The following SCGB1C2 variants were observed in gnomAD, a reference collection of about 807,000 sequenced individuals.
The protein encoded by SCGB1C2 is secretoglobin family 1C member 2.
In SCGB1C2, 3 loss-of-function variants were observed where a neutral mutation model predicts 8.4. That is an observed-to-expected ratio of 0.36 (90% CI 0.16 to 0.92). SCGB1C2 has a LOEUF of 0.92. Ranked by LOEUF, SCGB1C2 falls within the 40% of genes least tolerant of loss-of-function variation. SCGB1C2 has a pLI of 0.45. For missense variants in SCGB1C2, 54 were observed against 105.7 expected (o/e 0.51, Z 2.14); for synonymous variants, 18 against 44.9 (o/e 0.40, Z 2.39).
At position 137,657 on chromosome 17, in the gene SCGB1C2, C is replaced by G; in HGVS notation, c.55+12C>G. ...GTTCTGCATCTGCCGTGAGTCTGTG[C>G]CACTGGGGTTTCCAGAACATTCAGG... On this transcript the variant is annotated intron_variant, in intron 1 of 2. Coordinates refer to ENST00000595228, the MANE Select transcript of SCGB1C2 (RefSeq NM_001097610.3). The G allele has an allele frequency of 7.1e-7, 1 of 1,411,622 alleles. No individual in the cohort carries two copies. The highest frequency in any genetic ancestry group is 9.9e-7 in the Non-Finnish European group (1 of 1,010,636). 87.4% of individuals were successfully genotyped at this position (1,411,622 alleles called of 1,614,324 possible). A position where few individuals can be genotyped will look rare whatever the true frequency, so the allele number is the denominator to read the frequency against.
At chr17:138,447 TAC>T in intron 2 of SCGB1C2, 45 bp downstream of exon 2, 11 of 949,846 alleles carry the variant, frequency 1.2e-5, no homozygotes, top group Non-Finnish European at 1.6e-5. Context: ...TCTGCAGCCT[TAC>T]CAAGACCACC....
Position 138,324 on chromosome 17 carries a change from C to A in SCGB1C2, c.177C>A (p.Ala59=). 3 of 1,611,136 alleles carry A rather than the reference C, an allele frequency of 1.9e-6. No individual in the cohort carries two copies. Among genetic ancestry groups the A allele is most frequent in the South Asian group, 2.2e-5 (2 of 90,902 alleles). ...GCAAGTACAATGTCAACGAAGATGC[C>A]AAGGCAGCAATGACTGAACTCAAGT... ...TLGKYNVNED[A]KAAMTELKSC... is the part of the protein sequence containing the mutation. Residue 59 remains alanine, a synonymous_variant, in exon 2 of 3, where the codon GCC becomes GCA. Transcript: ENST00000595228.
chr17:138,362 G>T lies in SCGB1C2; in HGVS notation c.215G>T (p.Gly72Val), dbSNP rs1235976884. The change falls in exon 2 of 3, where the codon GGC (glycine) becomes GTC (valine). Residue 72 changes from glycine (G) to valine (V), a missense_variant. Around this residue, in one of 2 missense-constraint regions of SCGB1C2, gnomAD observed 54 missense variants for 68.0 expected, o/e 0.79. Transcript: ENST00000595228. ...AMTELKSCRD[G>V]LQPMHKAELV... ...ACTGAACTCAAGTCCTGCAGAGATGGCCTGCAGCCAATGCACAAGGCGGAG... is the reference window on the plus strand; with the variant it reads ...ACTGAACTCAAGTCCTGCAGAGATGTCCTGCAGCCAATGCACAAGGCGGAG... 78 of 1,612,618 alleles carry T rather than the reference G, an allele frequency of 4.8e-5. No individual in the cohort carries two copies. Among genetic ancestry groups the T allele is most frequent in the Non-Finnish European group, 6.4e-5 (75 of 1,179,810 alleles).
rs1292973863 is a variant in SCGB1C2 at position 138,304 on chromosome 17, T to C, written c.157T>C (p.Tyr53His). Reference protein sequence around the residue: ...EELYEGTLGKYNVNEDAKAAM... With the variant: ...EELYEGTLGKHNVNEDAKAAM... ...GCTCTATGAGGGGACCTTGGGCAAG[T>C]ACAATGTCAACGAAGATGCCAAGGC... Residue 53 changes from tyrosine to histidine, a missense_variant, in exon 2 of 3, where the codon TAC becomes CAC. Transcript: ENST00000595228. 5.7e-6 allele frequency: 9 copies of C among 1,591,038 alleles called. No homozygotes were observed. The highest frequency in any genetic ancestry group is 2.2e-5 in the South Asian group (2 of 90,002).
intron 2 of SCGB1C2, 74 bp downstream of exon 2, chr17:138,476 C>A: frequency 1.6e-6 from 1 of 628,146 alleles, no homozygotes; most frequent in Non-Finnish European, 2.6e-6. Flanking sequence ...AGCACCCACA[C>A]AGCCTACCCC....
At chr17:138,770 C>A (rs1422171773) in intron 2 of SCGB1C2, 140 bp from the exon 3 acceptor site, 1 of 517,694 alleles carries the variant, frequency 1.9e-6, no homozygotes. Context: ...CATGTGCACA[C>A]ACACCTCCCA....
At chr17:138,440 G>A in intron 2 of SCGB1C2, 38 bp downstream of exon 2, 1 of 1,081,712 alleles carries the variant, frequency 9.2e-7, no homozygotes, top group East Asian at 2.5e-5. Context: ...CTAAAGATCT[G>A]CAGCCTTACC....
At chr17:138,451 A>G (rs1457901219) in intron 2 of SCGB1C2, 49 bp downstream of exon 2, 2 of 896,770 alleles carry the variant, frequency 2.2e-6, no homozygotes, top group East Asian at 2.6e-5. Flanking sequence ...CAGCCTTACC[A>G]AGACCACCCA....
chr17:138,767 A>G, intron 2 of SCGB1C2, 143 bp from the exon 3 acceptor site: 1 of 503,038 alleles, frequency 2.0e-6, no homozygotes, highest in Non-Finnish European at 3.5e-6. Context: ...TCACATGTGC[A>G]CACACACCTC....
chr17:138,423 C>T (rs1378150053), intron 2 of SCGB1C2, 21 bp downstream of exon 2: 69 of 1,311,850 alleles, frequency 5.3e-5, no homozygotes, highest in Non-Finnish European at 6.7e-5. Flanking sequence ...GGCGGGCACC[C>T]CATTTTCTAA....
In SCGB1C2 at chr17:138,388, C is replaced by G. The variant is rs2039966209; in HGVS notation, c.241C>G (p.Leu81Val). The change falls in exon 2 of 3, where the codon CTG (leucine) becomes GTG (valine). Residue 81 changes from leucine (L) to valine (V), a missense_variant. Physicochemically the swap from Leu to Val is conservative, Grantham distance 32. This residue lies in a region of SCGB1C2 where 54 missense variants were observed against 68.0 expected (regional missense o/e 0.79). Transcript: ENST00000595228. ...CCTGCAGCCAATGCACAAGGCGGAG[C>G]TGGTCAAGCTGCTGGTATGAGGGCG... Reference protein sequence around the residue: ...DGLQPMHKAELVKLLVQVLGS... With the variant: ...DGLQPMHKAEVVKLLVQVLGS... 6.2e-7 allele frequency: 1 copy of G among 1,609,444 alleles called. No homozygotes were observed. The highest frequency in any genetic ancestry group is 1.3e-5 in the African/African-American group (1 of 74,398).
Position 138,415 on chromosome 17 carries a change from C to T in SCGB1C2, c.255+13C>T, listed in dbSNP as rs1376987208. The T allele has an allele frequency of 5.3e-5, 77 of 1,453,664 alleles. No homozygotes were observed. In the East Asian group the frequency reaches 6.2e-4, roughly 12 times the overall value. The allele number at this position is 1,453,664 out of a possible 1,614,324, so 90.0% of individuals were successfully genotyped here. A position where few individuals can be genotyped will look rare whatever the true frequency, so the allele number is the denominator to read the frequency against. On this transcript the variant is annotated intron_variant, in intron 2 of 2. Coordinates refer to ENST00000595228, the MANE Select transcript of SCGB1C2 (RefSeq NM_001097610.3). The stretch of plus-strand genomic sequence containing the variant: ...GGTCAAGCTGCTGGTATGAGGGCGG[C>T]GGGCACCCCATTTTCTAAAGATCTG...
Position 138,894 on chromosome 17 carries a change from T to C in SCGB1C2, c.256-16T>C. On this transcript the variant is annotated splice_polypyrimidine_tract_variant and intron_variant, in intron 2 of 2. Coordinates refer to ENST00000595228, the MANE Select transcript of SCGB1C2 (RefSeq NM_001097610.3). ...TTGAGCACAGCCCTCTTAGTCCACA[T>C]GTGTCTGCCTTCCAGGTGCAAGTGC... is the stretch of plus-strand genomic sequence containing the variant. The C allele has an allele frequency of 1.7e-6, 1 of 600,944 alleles. No individual in the cohort carries two copies. Among genetic ancestry groups the C allele is most frequent in the South Asian group, 1.7e-5 (1 of 57,700 alleles). 37.2% of individuals were successfully genotyped at this position (600,944 alleles called of 1,614,324 possible). A position where few individuals can be genotyped will look rare whatever the true frequency, so the allele number is the denominator to read the frequency against.
rs1217345257 is a variant in SCGB1C2 at position 139,050 on chromosome 17, A to C, written c.*108A>C. 25 of 579,570 alleles carry C rather than the reference A, an allele frequency of 4.3e-5. No homozygotes were observed. The highest frequency in any genetic ancestry group is 2.8e-4 in the African/African-American group (15 of 52,656). The allele number at this position is 579,570 out of a possible 1,614,324, so 35.9% of individuals were successfully genotyped here. Reference sequence around the variant, plus strand: ...AAATGTATCCTCAAACCGTTTAATCAATAAAGCCTCTTCCGCAGCTCAGGC... The same window carrying C: ...AAATGTATCCTCAAACCGTTTAATCCATAAAGCCTCTTCCGCAGCTCAGGC... On this transcript the variant is annotated 3_prime_UTR_variant, in exon 3 of 3. Coordinates refer to ENST00000595228, the MANE Select transcript of SCGB1C2 (RefSeq NM_001097610.3).
chr17:138,364 C>T lies in SCGB1C2; in HGVS notation c.217C>T (p.Leu73=). The T allele has an allele frequency of 1.2e-6, 2 of 1,612,750 alleles. No individual in the cohort carries two copies. The highest frequency in any genetic ancestry group is 2.2e-5 in the South Asian group (2 of 91,036). The change falls in exon 2 of 3, where the codon CTG becomes TTG. Residue 73 remains leucine (L), a synonymous_variant. Coordinates refer to ENST00000595228, the MANE Select transcript of SCGB1C2 (RefSeq NM_001097610.3). ...TGAACTCAAGTCCTGCAGAGATGGC[C>T]TGCAGCCAATGCACAAGGCGGAGCT... The part of the protein sequence containing the change: ...MTELKSCRDG[L]QPMHKAELVK...
chr17:138,819 C>T (rs1395969831), intron 2 of SCGB1C2, 91 bp from the exon 3 acceptor site: 1 of 662,166 alleles, frequency 1.5e-6, no homozygotes, highest in Non-Finnish European at 2.6e-6. Context: ...GCCAGACCCC[C>T]CCCCCACTGA....
At chr17:138,157 CAG>C (rs1286110237) in intron 1 of SCGB1C2, 44 bp from the exon 2 acceptor site, 1 of 367,658 alleles carries the variant, frequency 2.7e-6, no homozygotes, top group African/African-American at 6.5e-5. Context: ...GTGGTTGCAC[CAG>C]AGTCACCCTG....
intron 2 of SCGB1C2, 93 bp from the exon 3 acceptor site, chr17:138,817 C>CCA (rs2151452931): frequency 7.6e-6 from 5 of 656,922 alleles, no homozygotes; most frequent in East Asian, 5.6e-5. Flanking sequence ...ATGCCAGACC[C>CCA]CCCCCCCACT....
chr17:138,794 G>C, intron 2 of SCGB1C2, 116 bp from the exon 3 acceptor site: 1 of 553,596 alleles, frequency 1.8e-6, no homozygotes, highest in Admixed American at 2.9e-5. Context: ...GCTGGGAGGA[G>C]ATAGGCAGCA....
Sources: gnomAD v4.1 joint callset for allele counts on GRCh38, gnomAD v4.1.1 for gene constraint, gnomAD v4.1.1 regional missense constraint, MANE v1.5 for transcripts, NCBI Gene and HGNC (gene_info 2026-07-23, HGNC 2026-07-21) for gene names.